CPB2: variants seen among roughly 807,000 people sequenced by gnomAD.
CPB2 encodes the protein carboxypeptidase B-like protein.
Under a neutral mutation model 57.0 loss-of-function variants are expected in CPB2, and 54 were observed. The ratio of observed to expected loss-of-function variants is 0.95; its 90% confidence interval spans 0.76 to 1.19. The LOEUF is 1.19. CPB2 is among the 50% of genes most tolerant of loss of function. The probability of loss-of-function intolerance (pLI) is 0.00; values close to 1 mark genes in which losing one functional copy is unlikely to be tolerated. For missense variants in CPB2, 426 were observed against 512.0 expected (o/e 0.83, Z 1.62); for synonymous variants, 189 against 178.1 (o/e 1.06, Z -0.49).
At chr13:46,069,055 A>G (rs1463442787) in intron 6 of CPB2, among the ~76,000 whole-genome samples, 3 of 152,322 alleles carry the variant, frequency 2.0e-5, no homozygotes, top group Non-Finnish European at 4.4e-5. Context: ...TAGATGCAGC[A>G]TATGAATTTC....
At chr13:46,070,722 TA>T (rs1175366666) in intron 6 of CPB2, among the ~76,000 whole-genome samples, 1 of 152,178 alleles carries the variant, frequency 6.6e-6, no homozygotes, top group Non-Finnish European at 1.5e-5. Context: ...CCATTACAAA[TA>T]TATCAGAGAG....
At chr13:46,074,370 A>T (rs1358519030) in intron 5 of CPB2, among the ~76,000 whole-genome samples, 1 of 152,130 alleles carries the variant, frequency 6.6e-6, no homozygotes, top group Non-Finnish European at 1.5e-5. Flanking sequence ...CTTCCCCGGG[A>T]GGTGTGGAGA....
intron 5 of CPB2, among the ~76,000 whole-genome samples, chr13:46,075,231 T>C (rs909655873): frequency 5.9e-5 from 9 of 152,244 alleles, no homozygotes; most frequent in African/African-American, 2.2e-4. Flanking sequence ...CCAATGGCAT[T>C]GGCCACTAAT....
intron 6 of CPB2, among the ~76,000 whole-genome samples, chr13:46,071,383 G>A (rs958333687): frequency 1.3e-5 from 2 of 152,210 alleles, no homozygotes; most frequent in Admixed American, 6.5e-5. Flanking sequence ...CCTTGTTGCT[G>A]TCCATGGCCA....
chr13:46,064,620 A>G (rs2044824506), intron 8 of CPB2, 28 bp downstream of exon 8: 1 of 1,570,048 alleles, frequency 6.4e-7, no homozygotes, highest in South Asian at 1.1e-5. Context: ...GTGAAGAGAC[A>G]TTGCAAGAAA....
At chr13:46,079,538 AAAAAAAAAAAAAAAAAAG>A (rs1280661062) in intron 4 of CPB2, among the ~76,000 whole-genome samples, 1 of 36,374 alleles carries the variant, frequency 2.7e-5, no homozygotes, top group African/African-American at 1.1e-4. Context: ...GAAAAAGCAA[AAAAAAAAAAAAAAAAAAG>A]AAAAGAAAAG....
At chr13:46,070,306 T>C (rs2044920672) in intron 6 of CPB2, among the ~76,000 whole-genome samples, 1 of 152,216 alleles carries the variant, frequency 6.6e-6, no homozygotes, top group Non-Finnish European at 1.5e-5. Context: ...ATTTTTTACT[T>C]AGAATATTTT....
At chr13:46,061,362 G>A (rs546784134) in intron 8 of CPB2, among the ~76,000 whole-genome samples, 2 of 152,294 alleles carry the variant, frequency 1.3e-5, no homozygotes, top group South Asian at 4.1e-4. Context: ...TTCTCATAAT[G>A]TACTCCTGTT....
At chr13:46,080,669 A>C (rs2045098689) in intron 4 of CPB2, among the ~76,000 whole-genome samples, 1 of 152,154 alleles carries the variant, frequency 6.6e-6, no homozygotes, top group Non-Finnish European at 1.5e-5. Flanking sequence ...ATGCATGTGC[A>C]CAAACAAAAG....
chr13:46,082,468 G>A lies in CPB2; in HGVS notation c.357C>T (p.Tyr119=). 2 of 1,612,676 alleles carry A rather than the reference G, an allele frequency of 1.2e-6. No homozygotes were observed. The highest frequency in any genetic ancestry group is 1.7e-6 in the Non-Finnish European group (2 of 1,178,812). The change falls in exon 4 of 11, where the codon TAC becomes TAT. Residue 119 remains tyrosine (Y), a synonymous_variant. Coordinates refer to ENST00000181383, the MANE Select transcript of CPB2 (RefSeq NM_001872.5). ...CATTTAGTGAGTGATACTGTTCATAGTACGATGCGGAGGCTCGGGGGCTGA... is the reference window on the plus strand; with the variant it reads ...CATTTAGTGAGTGATACTGTTCATAATACGATGCGGAGGCTCGGGGGCTGA... ...DTVSPRASAS[Y]YEQYHSLNEI...
At chr13:46,070,360 A>G (rs2044921457) in intron 6 of CPB2, among the ~76,000 whole-genome samples, 2 of 152,192 alleles carry the variant, frequency 1.3e-5, no homozygotes. Context: ...TAACCCCACC[A>G]TAAATTGAGA....
At chr13:46,101,516 A>T (rs1000416944) in intron 1 of CPB2, among the ~76,000 whole-genome samples, 2 of 152,334 alleles carry the variant, frequency 1.3e-5, no homozygotes, top group East Asian at 1.9e-4. Flanking sequence ...CTAACTTTCC[A>T]TGCGAGAGCA....
intron 6 of CPB2, among the ~76,000 whole-genome samples, chr13:46,069,340 A>G (rs1186618293): frequency 1.3e-5 from 2 of 152,244 alleles, no homozygotes; most frequent in African/African-American, 4.8e-5. Context: ...TTATTGAGAT[A>G]TAATTTACAT....
chr13:46,087,407 CTCTG>C (rs1307802015), intron 2 of CPB2, among the ~76,000 whole-genome samples: 1 of 152,244 alleles, frequency 6.6e-6, no homozygotes, highest in African/African-American at 2.4e-5. Context: ...AATAAATGTA[CTCTG>C]TCTTTCTGGT....
chr13:46,097,583 T>A (rs2045383328), intron 1 of CPB2, among the ~76,000 whole-genome samples: 1 of 152,144 alleles, frequency 6.6e-6, no homozygotes, highest in Admixed American at 6.5e-5. Context: ...CAGAAATGGG[T>A]CCATTACCAT....
At chr13:46,059,263 C>T (rs1234848079) in intron 8 of CPB2, among the ~76,000 whole-genome samples, 1 of 152,082 alleles carries the variant, frequency 6.6e-6, no homozygotes, top group African/African-American at 2.4e-5. Context: ...CTTACACCAG[C>T]CCTATGAAGT....
chr13:46,085,498 T>A (rs1011455260), intron 2 of CPB2, among the ~76,000 whole-genome samples: 1 of 152,140 alleles, frequency 6.6e-6, no homozygotes, highest in African/African-American at 2.4e-5. Context: ...CCGAGTCCTG[T>A]GGAAGTGTTA....
At chr13:46,100,827 A>T (rs2045425632) in intron 1 of CPB2, 1 of 152,218 alleles carries the variant, frequency 6.6e-6, no homozygotes, top group South Asian at 2.1e-4. Context: ...GCGGGGAAGG[A>T]TGGAGTCGCA....
chr13:46,087,151 C>G (rs1316506204), intron 2 of CPB2, among the ~76,000 whole-genome samples: 1 of 152,224 alleles, frequency 6.6e-6, no homozygotes, highest in East Asian at 1.9e-4. Context: ...AGGTCTGTAG[C>G]TGCAGCGGGC....
Sources: gnomAD v4.1 joint callset for allele counts (sites outside exome capture counted in the v4.1 genomes callset) on GRCh38, gnomAD v4.1.1 for gene constraint, MANE v1.5 for transcripts, NCBI Gene and HGNC (gene_info 2026-07-23, HGNC 2026-07-21) for gene names.